The following HDAC8 variants were observed in gnomAD, a reference collection of about 807,000 sequenced individuals.
HDAC8 encodes histone deacetylase 8, also known as histone deacetylase-like 1.
In HDAC8, 1 loss-of-function variant was observed where a neutral mutation model predicts 32.2. The observed-to-expected ratio is 0.03, with a 90% CI of 0.01 to 0.15. The LOEUF (loss-of-function observed/expected upper bound fraction) is 0.15. Ranked by LOEUF, HDAC8 falls within the 10% of genes least tolerant of loss-of-function variation. The pLI is 1.00. For missense variants in HDAC8, 117 were observed against 300.0 expected (o/e 0.39, Z 4.51); for synonymous variants, 108 against 113.9 (o/e 0.95, Z 0.33).
Position 72,329,804 on chromosome X carries a change from G to GT in HDAC8, c.*249dup, listed in dbSNP as rs2043468009. Reference sequence around the variant, plus strand: ...TTAAAAATTTCATTTGTGTGTGTGTGTTTTTTTAAATAAGAACTTTAAATG... The same window carrying GT: ...TTAAAAATTTCATTTGTGTGTGTGTGTTTTTTTTAAATAAGAACTTTAAATG... On this transcript the variant is annotated 3_prime_UTR_variant, in exon 11 of 11. Coordinates refer to ENST00000373573, the MANE Select transcript of HDAC8 (RefSeq NM_018486.3). 5 of 1,063,311 alleles carry GT rather than the reference G, an allele frequency of 4.7e-6. No homozygotes were observed. The highest frequency in any genetic ancestry group is 6.4e-6 in the Non-Finnish European group (5 of 784,643). The allele number at this position is 1,063,311 out of a possible 1,213,427, so 87.6% of individuals were successfully genotyped here.
intron 7 of HDAC8, among the ~76,000 whole-genome samples, chrX:72,481,315 G>A (rs944501771): frequency 1.8e-5 from 2 of 111,013 alleles, no homozygotes; most frequent in African/African-American, 3.3e-5. Flanking sequence ...CCCCCAAAAC[G>A]TGGGGATTAC....
At chrX:72,407,016 A>C (rs1457532584) in intron 9 of HDAC8, among the ~76,000 whole-genome samples, 2 of 112,532 alleles carry the variant, frequency 1.8e-5, no homozygotes, top group African/African-American at 6.5e-5. Context: ...TCTTTGTCTT[A>C]AGTCAAAATT....
rs1343298827 is a variant in HDAC8 at position 72,333,425 on chromosome X, A to G, written c.1112-3349T>C. Reference sequence around the variant, plus strand: ...TTCAGCAGGCTGGGCGTGGTGGCTCATGCCTGTAATCCCAGCGCTCTGGGA... The same window carrying G: ...TTCAGCAGGCTGGGCGTGGTGGCTCGTGCCTGTAATCCCAGCGCTCTGGGA... On this transcript the variant is annotated intron_variant, in intron 10 of 10. Transcript: ENST00000373573. Among the ~76,000 whole-genome samples the G allele has an allele frequency of 3.6e-5, 4 of 112,216 alleles. No individual in the cohort carries two copies. The East Asian group carries it at 1.1e-3, about 31-fold the overall frequency.
At chrX:72,439,639 C>CAAAAAAA (rs782744436) in intron 9 of HDAC8, among the ~76,000 whole-genome samples, 2 of 36,202 alleles carry the variant, frequency 5.5e-5, no homozygotes, top group African/African-American at 9.4e-5. Context: ...AAATGGAAAG[C>CAAAAAAA]AAAAAAAAAA....
chrX:72,560,002 G>A (rs782066231), intron 4 of HDAC8, among the ~76,000 whole-genome samples: 1 of 99,377 alleles, frequency 1.0e-5, no homozygotes, highest in Admixed American at 1.0e-4. Flanking sequence ...GCCTCTGCCC[G>A]GCCGCCCCGT....
chrX:72,537,629 C>T (rs184182149), intron 4 of HDAC8, among the ~76,000 whole-genome samples: 1 of 111,988 alleles, frequency 8.9e-6, no homozygotes, highest in East Asian at 2.8e-4. Flanking sequence ...AAGATGCCTC[C>T]CAGAGGAGGC....
At chrX:72,565,006 A>G (rs915943335) in intron 4 of HDAC8, among the ~76,000 whole-genome samples, 39 of 112,154 alleles carry the variant, frequency 3.5e-4, no homozygotes, top group African/African-American at 1.2e-3. Context: ...ACTGGTATGA[A>G]CATTTTTTCC....
At chrX:72,384,355 C>T (rs1402497887) in intron 9 of HDAC8, among the ~76,000 whole-genome samples, 1 of 112,184 alleles carries the variant, frequency 8.9e-6, no homozygotes, top group East Asian at 2.8e-4. Flanking sequence ...CATTTTCCAC[C>T]TTACAATTTT....
intron 4 of HDAC8, among the ~76,000 whole-genome samples, chrX:72,557,329 C>T (rs998696409): frequency 1.8e-5 from 2 of 112,053 alleles, no homozygotes; most frequent in African/African-American, 3.2e-5. Context: ...TTAAGAAAAT[C>T]TTTAACAAGC....
At chrX:72,529,105 C>T (rs1177375978) in intron 4 of HDAC8, among the ~76,000 whole-genome samples, 1 of 111,954 alleles carries the variant, frequency 8.9e-6, no homozygotes, top group Admixed American at 9.5e-5. Flanking sequence ...GCTATGGACA[C>T]AATAAATGTA....
intron 10 of HDAC8, among the ~76,000 whole-genome samples, chrX:72,338,714 T>C (rs2043801894): frequency 9.9e-6 from 1 of 100,979 alleles, no homozygotes; most frequent in East Asian, 2.9e-4. Flanking sequence ...TATATATATA[T>C]AATTTTTTTA....
intron 9 of HDAC8, among the ~76,000 whole-genome samples, chrX:72,445,806 A>G (rs2047371293): frequency 8.9e-6 from 1 of 112,268 alleles, no homozygotes; most frequent in African/African-American, 3.2e-5. Context: ...GCTAATATCC[A>G]GAATCTACAA....
chrX:72,544,123 G>C (rs1311242201), intron 4 of HDAC8, among the ~76,000 whole-genome samples: 6 of 112,153 alleles, frequency 5.3e-5, no homozygotes, highest in African/African-American at 1.6e-4. Context: ...GTAATGGTTT[G>C]AGCTCATGAC....
intron 9 of HDAC8, among the ~76,000 whole-genome samples, chrX:72,377,646 G>A (rs942785412): frequency 1.8e-5 from 2 of 111,596 alleles, no homozygotes; most frequent in Admixed American, 9.6e-5. Flanking sequence ...TTTTGTTACC[G>A]TATGCATGCT....
At chrX:72,476,013 C>T (rs782326265) in intron 7 of HDAC8, among the ~76,000 whole-genome samples, 4 of 111,191 alleles carry the variant, frequency 3.6e-5, no homozygotes, top group Non-Finnish European at 5.6e-5. Flanking sequence ...TCATCAATTA[C>T]GTGTCACCTT....
chrX:72,423,966 T>A (rs2046561700), intron 9 of HDAC8, among the ~76,000 whole-genome samples: 1 of 112,199 alleles, frequency 8.9e-6, no homozygotes, highest in South Asian at 3.7e-4. Flanking sequence ...TGTCTTTCTC[T>A]TTCCTGGCTT....
At chrX:72,427,805 A>T (rs1377582361) in intron 9 of HDAC8, among the ~76,000 whole-genome samples, 1 of 111,536 alleles carries the variant, frequency 9.0e-6, no homozygotes, top group Non-Finnish European at 1.9e-5. Context: ...ATGAAAGGTG[A>T]TTAGAGCACA....
intron 4 of HDAC8, among the ~76,000 whole-genome samples, chrX:72,548,158 C>T (rs1298762337): frequency 8.9e-6 from 1 of 111,869 alleles, no homozygotes; most frequent in Non-Finnish European, 1.9e-5. Context: ...TACTTCCTAA[C>T]ACAATTTTTC....
Position 72,468,479 on chromosome X carries a change from T to C in HDAC8, c.738-3748A>G, listed in dbSNP as rs959872272. Among the ~76,000 whole-genome samples the C allele has an allele frequency of 2.8e-4, 31 of 112,145 alleles. 1 individual carries two copies. Among genetic ancestry groups the C allele is most frequent in the Non-Finnish European group, 1.1e-4 (6 of 53,238 alleles). On this transcript the variant is annotated intron_variant, in intron 7 of 10. Coordinates refer to ENST00000373573, the MANE Select transcript of HDAC8 (RefSeq NM_018486.3). The stretch of plus-strand genomic sequence containing the variant: ...AAAAATTGGAATATTATTTTTCCTA[T>C]TGCCACTTCCAAATCTAACATTCTT...
Sources: allele counts gnomAD v4.1 joint callset (sites outside exome capture counted in the v4.1 genomes callset), GRCh38; gene constraint gnomAD v4.1.1; transcripts MANE v1.5; gene names NCBI Gene and HGNC (gene_info 2026-07-23, HGNC 2026-07-21).